The following DPP4 variants were observed in gnomAD, a reference collection of about 807,000 sequenced individuals.
DPP4 encodes the protein dipeptidyl peptidase 4.
DPP4 carries 93 observed loss-of-function variants against 122.4 expected under a neutral mutation model. The ratio of observed to expected loss-of-function variants is 0.76; its 90% CI spans 0.64 to 0.90. The LOEUF (loss-of-function observed/expected upper bound fraction) is 0.90. DPP4 is among the 40% of genes least tolerant of loss of function. The probability of loss-of-function intolerance (pLI) is 0.00; values close to 1 mark genes in which losing one functional copy is unlikely to be tolerated. For missense variants in DPP4, 914 were observed against 907.3 expected, an observed-to-expected ratio of 1.01 and a Z score of -0.09; for synonymous variants, 321 against 302.9, an observed-to-expected ratio of 1.06 and a Z score of -0.62.
Position 162,039,156 on chromosome 2 carries a change from T to A in DPP4, c.395A>T (p.Tyr132Phe). The change falls in exon 6 of 26, where the codon TAT becomes TTT. Residue 132 changes from tyrosine (Y) to phenylalanine (F), a missense_variant. Tyr to Phe is a conservative substitution (Grantham distance 22). Transcript: ENST00000360534. ...CCTTTTATTTAAATCATAAATGTCA[T>A]ATGAAGCTGTGTAGGAATGCCTCCA... Reference protein sequence around the residue: ...KQWRHSYTASYDIYDLNKRQL... With the variant: ...KQWRHSYTASFDIYDLNKRQL... The A allele has an allele frequency of 6.2e-7, 1 of 1,612,914 alleles. No homozygotes were observed. The highest frequency in any genetic ancestry group is 8.5e-7 in the Non-Finnish European group (1 of 1,179,358).
At chr2:162,069,327 G>A (rs1455056090) in intron 2 of DPP4, among the ~76,000 whole-genome samples, 1 of 152,120 alleles carries the variant, frequency 6.6e-6, no homozygotes, top group Non-Finnish European at 1.5e-5. Context: ...CTCAAGCAAG[G>A]CGCTCCTGCA....
chr2:162,044,900 C>G (rs1431742957), intron 5 of DPP4, among the ~76,000 whole-genome samples: 5 of 151,692 alleles, frequency 3.3e-5, no homozygotes. Flanking sequence ...TCTGGGCCAT[C>G]TTGCGGAATC....
In DPP4 at chr2:161,993,165, A is replaced by G. The variant is rs1700904739; in HGVS notation, c.*118T>C. On this transcript the variant is annotated 3_prime_UTR_variant, in exon 26 of 26. Coordinates refer to ENST00000360534, the MANE Select transcript of DPP4 (RefSeq NM_001935.4). The stretch of plus-strand genomic sequence containing the variant: ...AAATTTGGGAACAAAGGTAACCTTA[A>G]GTTTCTTGATTTGAGTGTGTATTTT... 1.3e-6 allele frequency: 1 copy of G among 790,692 alleles called. No homozygotes were observed. The highest frequency in any genetic ancestry group is 1.7e-5 in the African/African-American group (1 of 57,630). 49.0% of individuals were successfully genotyped at this position (790,692 alleles called of 1,614,324 possible).
intron 2 of DPP4, 123 bp downstream of exon 2, chr2:162,073,276 C>T: frequency 5.5e-6 from 5 of 914,482 alleles, no homozygotes; most frequent in Non-Finnish European, 8.7e-6. Context: ...GGGAAGCCTT[C>T]TCAGCTACAC....
chr2:162,005,855 C>T (rs1319786590), intron 22 of DPP4, 46 bp from the exon 23 acceptor site: 1 of 1,523,796 alleles, frequency 6.6e-7, no homozygotes, highest in Non-Finnish European at 9.0e-7. Flanking sequence ...CATACAATAA[C>T]AACTTTTCTT....
At chr2:162,008,784 G>T in intron 21 of DPP4, 123 bp from the exon 22 acceptor site, 1 of 822,494 alleles carries the variant, frequency 1.2e-6, no homozygotes, top group Non-Finnish European at 2.0e-6. Context: ...AAAAAGCATG[G>T]TATAGGAGGC....
intron 14 of DPP4, 41 bp from the exon 15 acceptor site, chr2:162,019,317 T>A: frequency 7.2e-7 from 1 of 1,384,962 alleles, no homozygotes; most frequent in East Asian, 2.5e-5. Flanking sequence ...AATTATGTTT[T>A]TTAAGAAGTC....
intron 22 of DPP4, among the ~76,000 whole-genome samples, chr2:162,007,359 C>A (rs1701307435): frequency 1.3e-5 from 2 of 151,812 alleles, no homozygotes; most frequent in Admixed American, 1.3e-4. Context: ...TTTATGCTAA[C>A]CAGATTTACA....
chr2:162,001,300 G>A (rs1265232471), intron 23 of DPP4, among the ~76,000 whole-genome samples: 1 of 152,086 alleles, frequency 6.6e-6, no homozygotes, highest in Non-Finnish European at 1.5e-5. Flanking sequence ...AAACATGAAT[G>A]AAATAAATGA....
At chr2:162,055,133 A>G (rs1576068743) in intron 2 of DPP4, among the ~76,000 whole-genome samples, 1 of 152,370 alleles carries the variant, frequency 6.6e-6, no homozygotes, top group Non-Finnish European at 1.5e-5. Context: ...ATAAAAAAGC[A>G]TGAAACAATT....
In DPP4 at chr2:161,995,394, T is replaced by C. The variant is rs200048173; in HGVS notation, c.2053-22A>G. 3.5e-5 allele frequency: 56 copies of C among 1,600,806 alleles called. 1 individual carries two copies. In the South Asian group the frequency reaches 5.5e-4, roughly 16 times the overall value. On this transcript the variant is annotated intron_variant, in intron 23 of 25. Transcript: ENST00000360534. ...AATTCTGGAATTGGGAGAAAGAATG[T>C]CATTATTCAAAAAAGGATCTGCCAT... is the stretch of plus-strand genomic sequence containing the variant.
At chr2:162,052,922 C>A (rs774334416) in intron 2 of DPP4, among the ~76,000 whole-genome samples, 1 of 152,154 alleles carries the variant, frequency 6.6e-6, no homozygotes. Context: ...CAGAAAGTGG[C>A]ACTCGGCTGA....
chr2:161,998,864 G>C (rs1229997844), intron 23 of DPP4, among the ~76,000 whole-genome samples: 1 of 152,204 alleles, frequency 6.6e-6, no homozygotes, highest in East Asian at 1.9e-4. Context: ...AAAGTGTCAT[G>C]ATGCAAATTG....
Position 162,073,734 on chromosome 2 carries a change from C to G in DPP4, c.6+242G>C, listed in dbSNP as rs938891864. The G allele has an allele frequency of 1.3e-5, 9 of 689,984 alleles. No individual in the cohort carries two copies. The Admixed American group carries it at 2.6e-4, about 20-fold the overall frequency. 42.7% of individuals were successfully genotyped at this position (689,984 alleles called of 1,614,324 possible). ...TTCTCTACCCCTGCCCGGGTTCGGG[C>G]GTGCGTTCTGTGAGTGGCTCTCCGG... On this transcript the variant is annotated intron_variant, in intron 1 of 25. Transcript: ENST00000360534.
chr2:162,014,507 A>T, intron 18 of DPP4, 42 bp from the exon 19 acceptor site: 2 of 1,459,996 alleles, frequency 1.4e-6, no homozygotes, highest in Non-Finnish European at 1.9e-6. Flanking sequence ...AAGAAAAATT[A>T]TTAGCACAAG....
At chr2:162,025,475 T>C (rs1325898400) in intron 10 of DPP4, among the ~76,000 whole-genome samples, 4 of 152,096 alleles carry the variant, frequency 2.6e-5, no homozygotes, top group African/African-American at 9.7e-5. Flanking sequence ...CAAAGAAATA[T>C]ATTCTAAAAA....
In DPP4 at chr2:162,019,606, T is replaced by A. The variant is rs1449767184; in HGVS notation, c.1245-330A>T. Among the ~76,000 whole-genome samples the A allele has an allele frequency of 1.2e-4, 18 of 151,850 alleles. 1 individual carries two copies. ...AGCCTGAAATTGAGACCCCACTCAT[T>A]GATCCCGATCGTTGTATTTTCTGTC... On this transcript the variant is annotated intron_variant, in intron 14 of 25. Coordinates refer to ENST00000360534, the MANE Select transcript of DPP4 (RefSeq NM_001935.4).
chr2:162,032,520 A>G (rs1683584924), intron 10 of DPP4, among the ~76,000 whole-genome samples: 1 of 152,132 alleles, frequency 6.6e-6, no homozygotes, highest in South Asian at 2.1e-4. Flanking sequence ...CCTCATCTCT[A>G]CTAAAAATAC....
At chr2:162,027,628 C>G (rs1054427320) in intron 10 of DPP4, among the ~76,000 whole-genome samples, 1 of 152,076 alleles carries the variant, frequency 6.6e-6, no homozygotes, top group Non-Finnish European at 1.5e-5. Flanking sequence ...TAAAAGTGCT[C>G]TGGTAGAGCG....
Sources: allele counts gnomAD v4.1 joint callset (sites outside exome capture counted in the v4.1 genomes callset), GRCh38; gene constraint gnomAD v4.1.1; transcripts MANE v1.5; gene names NCBI Gene and HGNC (gene_info 2026-07-23, HGNC 2026-07-21).